Variants in PRKCH observed in about 807,000 individuals in gnomAD.
The protein encoded by PRKCH is protein kinase C eta.
Under a neutral mutation model 82.5 loss-of-function variants are expected in PRKCH, and 28 were observed. The ratio of observed to expected loss-of-function variants is 0.34; its 90% CI spans 0.25 to 0.47. PRKCH has a LOEUF of 0.47. Ranked by LOEUF, PRKCH falls within the 20% of genes least tolerant of loss-of-function variation. The pLI is 1.00. For synonymous variants in PRKCH, 322 were observed against 327.4 expected (o/e 0.98, Z 0.18); for missense variants, 705 against 881.8 (o/e 0.80, Z 2.54).
chr14:61,364,112 A>G (rs999027058), intron 1 of PRKCH, among the ~76,000 whole-genome samples: 2 of 150,794 alleles, frequency 1.3e-5, no homozygotes, highest in Non-Finnish European at 2.9e-5. Context: ...GCCTCAGGCG[A>G]TCCTCCTGCC....
At chr14:61,189,440 T>G (rs2044392936) in intron 1 of PRKCH, among the ~76,000 whole-genome samples, 1 of 152,232 alleles carries the variant, frequency 6.6e-6, no homozygotes, top group African/African-American at 2.4e-5. Context: ...GTGCAGGGCC[T>G]TTCCCTTGTC....
chr14:61,446,018 T>C (rs1383502855), intron 4 of PRKCH, among the ~76,000 whole-genome samples: 2 of 152,242 alleles, frequency 1.3e-5, no homozygotes, highest in Admixed American at 1.3e-4. Flanking sequence ...TGTGATTTTG[T>C]GAGCATACTC....
At chr14:61,273,580 CCTCA>C (rs1476134214) in intron 1 of PRKCH, among the ~76,000 whole-genome samples, 2 of 152,066 alleles carry the variant, frequency 1.3e-5, no homozygotes, top group East Asian at 3.8e-4. Context: ...AAGTAACTAC[CCTCA>C]CTATCAATGA....
At chr14:61,198,561 T>C (rs2044457191) in intron 1 of PRKCH, among the ~76,000 whole-genome samples, 1 of 152,234 alleles carries the variant, frequency 6.6e-6, no homozygotes. Flanking sequence ...TAATTATTTG[T>C]TTACATAATG....
intron 1 of PRKCH, among the ~76,000 whole-genome samples, chr14:61,204,387 C>T (rs2140040925): frequency 6.6e-6 from 1 of 151,988 alleles, no homozygotes; most frequent in South Asian, 2.1e-4. Context: ...GGTCACGTAA[C>T]TAATAAATGG....
intron 1 of PRKCH, among the ~76,000 whole-genome samples, chr14:61,198,352 G>A (rs1170623023): frequency 6.6e-6 from 1 of 152,088 alleles, no homozygotes; most frequent in Non-Finnish European, 1.5e-5. Context: ...AACATGACCG[G>A]TTCTTCCATC....
At chr14:61,456,897 C>A (rs1884791012) in intron 7 of PRKCH, 1 of 330,516 alleles carries the variant, frequency 3.0e-6, no homozygotes, top group South Asian at 3.7e-5. Context: ...CCACACAAGG[C>A]ATTGGTGTTT....
chr14:61,329,212 G>C (rs1285780936), intron 1 of PRKCH, among the ~76,000 whole-genome samples: 1 of 137,080 alleles, frequency 7.3e-6, no homozygotes, highest in Non-Finnish European at 1.5e-5. Context: ...GTTCTCCACT[G>C]CTCTTAGATA....
At chr14:61,314,884 G>T (rs183890776) in intron 1 of PRKCH, among the ~76,000 whole-genome samples, 1 of 151,890 alleles carries the variant, frequency 6.6e-6, no homozygotes, top group Non-Finnish European at 1.5e-5. Context: ...ATGCCACCCC[G>T]CCCTGACTTT....
chr14:61,221,332 A>G (rs79462245), intron 1 of PRKCH, among the ~76,000 whole-genome samples: 1,653 of 152,294 alleles, frequency 0.011, 20 homozygotes, highest in African/African-American at 0.038. Context: ...GGTTACAAGT[A>G]TAGACAAAAT....
chr14:61,442,926 A>AGG (rs1234452608), intron 2 of PRKCH, among the ~76,000 whole-genome samples, 185 bp from the exon 3 acceptor site: 1 of 152,144 alleles, frequency 6.6e-6, no homozygotes, highest in African/African-American at 2.4e-5. Context: ...TGACAGAGTG[A>AGG]GGTCCTGTCT....
At chr14:61,299,395 A>G (rs2045432124) in intron 1 of PRKCH, among the ~76,000 whole-genome samples, 1 of 152,206 alleles carries the variant, frequency 6.6e-6, no homozygotes, top group African/African-American at 2.4e-5. Flanking sequence ...AAAGTCTGCC[A>G]TGTTGCCTCC....
chr14:61,422,634 A>G (rs1882901727), intron 2 of PRKCH, among the ~76,000 whole-genome samples: 1 of 152,202 alleles, frequency 6.6e-6, no homozygotes, highest in Admixed American at 6.5e-5. Flanking sequence ...CACCCTGGAC[A>G]TGCATACTGG....
chr14:61,502,654 C>G (rs1372043143), intron 10 of PRKCH, among the ~76,000 whole-genome samples: 2 of 152,098 alleles, frequency 1.3e-5, no homozygotes, highest in Non-Finnish European at 2.9e-5. Flanking sequence ...CCAGGGAGTT[C>G]TCAAACACCT....
In PRKCH at chr14:61,550,472, T is replaced by G. The variant is rs989309330; in HGVS notation, c.*641T>G. ...TTTCTTTAATAGATATTTATTAAAC[T>G]GTCCAGTGAAAAGGTGCCACAATGC... is the stretch of plus-strand genomic sequence containing the variant. On this transcript the variant is annotated 3_prime_UTR_variant, in exon 14 of 14. Transcript: ENST00000332981. 1 of 152,806 alleles carries G rather than the reference T, an allele frequency of 6.5e-6. No individual in the cohort carries two copies. Among genetic ancestry groups the G allele is most frequent in the East Asian group, 1.9e-4 (1 of 5,192 alleles). 9.5% of individuals were successfully genotyped at this position (152,806 alleles called of 1,614,324 possible).
intron 2 of PRKCH, among the ~76,000 whole-genome samples, chr14:61,396,070 A>G (rs2046776157): frequency 7.9e-6 from 1 of 127,240 alleles, no homozygotes; most frequent in South Asian, 3.1e-4. Context: ...ACAGAGTGAA[A>G]CCTTGTTTCA....
At chr14:61,202,985 A>G (rs2044494206) in intron 1 of PRKCH, among the ~76,000 whole-genome samples, 1 of 152,006 alleles carries the variant, frequency 6.6e-6, no homozygotes, top group Non-Finnish European at 1.5e-5. Flanking sequence ...CATACAGAAT[A>G]GTTTCACCAC....
chr14:61,321,485 C>T (rs1321266078), upstream of PRKCH, among the ~76,000 whole-genome samples: 1 of 152,186 alleles, frequency 6.6e-6, no homozygotes, highest in Admixed American at 6.5e-5. This position sits in a 1 kb window ranked among gnomAD's most constrained non-coding sequence, Gnocchi z 4.1. Context: ...CTCCCGGGGG[C>T]TTGCGCGGGG....
At chr14:61,237,908 T>G (rs1465439449) in intron 1 of PRKCH, among the ~76,000 whole-genome samples, 1 of 152,262 alleles carries the variant, frequency 6.6e-6, no homozygotes. Flanking sequence ...GAGACTTGTC[T>G]TAGATACTTT....
Sources: gnomAD v4.1 joint callset for allele counts (sites outside exome capture counted in the v4.1 genomes callset) on GRCh38, gnomAD v4.1.1 for gene constraint, Gnocchi (gnomAD v3.1) non-coding constraint, MANE v1.5 for transcripts, NCBI Gene and HGNC (gene_info 2026-07-23, HGNC 2026-07-21) for gene names.